The following CFAP44 variants were observed in gnomAD, a reference collection of about 807,000 sequenced individuals.
The protein encoded by CFAP44 is cilia and flagella associated protein 44, also known as cilia- and flagella-associated protein 44.
Under a neutral mutation model 216.2 loss-of-function variants are expected in CFAP44, and 134 were observed. The observed-to-expected ratio is 0.62, with a 90% CI of 0.54 to 0.72. The LOEUF (loss-of-function observed/expected upper bound fraction) is 0.72. Ranked by LOEUF, CFAP44 falls within the 30% of genes least tolerant of loss-of-function variation. The probability of loss-of-function intolerance (pLI) is 0.00; values close to 1 mark genes in which losing one functional copy is unlikely to be tolerated. For synonymous variants in CFAP44, 700 were observed against 727.6 expected, an observed-to-expected ratio of 0.96 and a Z score of 0.61; for missense variants, 2,035 against 2,182.1, an observed-to-expected ratio of 0.93 and a Z score of 1.34.
chr3:113,399,473 T>C (rs995723519), intron 13 of CFAP44, among the ~76,000 whole-genome samples: 2 of 144,522 alleles, frequency 1.4e-5, no homozygotes, highest in African/African-American at 4.9e-5. Context: ...ACTATCTGCC[T>C]CTGCCTCCCT....
In CFAP44 at chr3:113,379,426, TTCC is replaced by T; in HGVS notation, c.2175_2177del (p.Glu728del). The stretch of plus-strand genomic sequence containing the variant: ...CCTCCTCCTCCTCCTCTTTCTCCTC[TTCC>T]TCCTCCTGAAATTCTTTTTCTCCAT... On this transcript the variant is annotated inframe_deletion, in exon 17 of 35. Coordinates refer to ENST00000393845, the MANE Select transcript of CFAP44 (RefSeq NM_001164496.2). 1 of 1,612,940 alleles carries T rather than the reference TTCC, an allele frequency of 6.2e-7. No individual in the cohort carries two copies. Among genetic ancestry groups the T allele is most frequent in the Non-Finnish European group, 8.5e-7 (1 of 1,179,076 alleles).
At chr3:113,316,772 G>C (rs1355043161) in intron 28 of CFAP44, among the ~76,000 whole-genome samples, 2 of 151,884 alleles carry the variant, frequency 1.3e-5, no homozygotes, top group African/African-American at 4.8e-5. Flanking sequence ...AGGAGGCTGA[G>C]GCACAAGAAT....
At chr3:113,307,404 C>A (rs564096005) in intron 29 of CFAP44, among the ~76,000 whole-genome samples, 2 of 152,236 alleles carry the variant, frequency 1.3e-5, no homozygotes, top group South Asian at 4.2e-4. Context: ...CCCAGAGAGC[C>A]CCCAAAAGTA....
chr3:113,340,135 A>G (rs984621080), intron 24 of CFAP44, among the ~76,000 whole-genome samples: 5 of 152,154 alleles, frequency 3.3e-5, no homozygotes, highest in African/African-American at 9.7e-5. Flanking sequence ...CAGGTGCCCA[A>G]TCTGGGAGGA....
At chr3:113,328,696 TAAAAAAAAAAAAAAA>T (rs58650082) in intron 26 of CFAP44, among the ~76,000 whole-genome samples, 5 of 28,570 alleles carry the variant, frequency 1.8e-4, no homozygotes, top group Admixed American at 1.1e-3. Context: ...TTAGAGAGCT[TAAAAAAAAAAAAAAA>T]AAAAAAAAAA....
intron 24 of CFAP44, among the ~76,000 whole-genome samples, 173 bp downstream of exon 24, chr3:113,341,571 C>T (rs1314414020): frequency 6.6e-6 from 1 of 152,168 alleles, no homozygotes; most frequent in African/African-American, 2.4e-5. Context: ...ACCAAAGTAT[C>T]ACCACCCTAA....
intron 18 of CFAP44, among the ~76,000 whole-genome samples, chr3:113,373,081 G>T (rs554583362): frequency 2.0e-5 from 3 of 152,290 alleles, no homozygotes; most frequent in South Asian, 4.1e-4. Context: ...AAGGGCTAAT[G>T]ATTCATTTGT....
intron 24 of CFAP44, among the ~76,000 whole-genome samples, chr3:113,335,117 C>T (rs1950271433): frequency 6.6e-6 from 1 of 152,130 alleles, no homozygotes; most frequent in Admixed American, 6.5e-5. Flanking sequence ...GCTACTTCTG[C>T]CTCTGGCCAT....
At chr3:113,420,982 A>G (rs1342353701) in intron 4 of CFAP44, among the ~76,000 whole-genome samples, 1 of 152,088 alleles carries the variant, frequency 6.6e-6, no homozygotes, top group Non-Finnish European at 1.5e-5. Context: ...AATTGTACTA[A>G]TTCAAAATAG....
intron 22 of CFAP44, among the ~76,000 whole-genome samples, chr3:113,350,919 T>C (rs1048579377): frequency 6.6e-6 from 1 of 152,204 alleles, no homozygotes; most frequent in Non-Finnish European, 1.5e-5. Context: ...TAGGTCTTGA[T>C]TGGTTGCCAT....
intron 6 of CFAP44, among the ~76,000 whole-genome samples, chr3:113,414,562 G>C (rs1443927987): frequency 6.6e-6 from 1 of 152,072 alleles, no homozygotes; most frequent in Non-Finnish European, 1.5e-5. Context: ...GAGAGTTTTT[G>C]AAATGAAGGG....
chr3:113,437,549 AC>A (rs1226755009), intron 1 of CFAP44, among the ~76,000 whole-genome samples: 1 of 152,228 alleles, frequency 6.6e-6, no homozygotes, highest in African/African-American at 2.4e-5. Flanking sequence ...CACATTACAA[AC>A]CCAGTTAATG....
chr3:113,390,394 T>C (rs550875701), intron 15 of CFAP44, among the ~76,000 whole-genome samples: 3 of 152,260 alleles, frequency 2.0e-5, no homozygotes, highest in African/African-American at 7.2e-5. Flanking sequence ...AGTATCATAC[T>C]GAATGAAGAA....
Position 113,433,585 on chromosome 3 carries a change from G to A in CFAP44, c.80C>T (p.Ser27Phe), listed in dbSNP as rs1935163560. 1.2e-6 allele frequency: 2 copies of A among 1,611,262 alleles called. No homozygotes were observed. The highest frequency in any genetic ancestry group is 1.1e-5 in the South Asian group (1 of 91,004). Residue 27 changes from serine (S) to phenylalanine (F), a missense_variant, in exon 2 of 35, where the codon TCT becomes TTT. This residue lies in a region of CFAP44 where 149 missense variants were observed against 141.8 expected (regional missense o/e 1.05). Transcript: ENST00000393845. The stretch of plus-strand genomic sequence containing the variant: ...CTTACATCTTGATTCTGATTTAGAA[G>A]ACCTCAGAGACTTCTTCCCATCACT... Reference protein sequence around the residue: ...SKSDGKKSLRSSKSESRSPVQ... With the variant: ...SKSDGKKSLRFSKSESRSPVQ...
At chr3:113,417,383 A>G (rs1214976717) in intron 5 of CFAP44, 2 of 152,364 alleles carry the variant, frequency 1.3e-5, no homozygotes, top group South Asian at 2.1e-4. Context: ...AGATAGCCAT[A>G]TAAGTTGGAT....
intron 15 of CFAP44, among the ~76,000 whole-genome samples, chr3:113,381,781 C>A (rs989824057): frequency 6.6e-6 from 1 of 152,162 alleles, no homozygotes; most frequent in Non-Finnish European, 1.5e-5. Flanking sequence ...ATGTACTCAG[C>A]ATTTTCTTAA....
intron 22 of CFAP44, among the ~76,000 whole-genome samples, chr3:113,348,397 G>A (rs1950409929): frequency 6.6e-6 from 1 of 152,082 alleles, no homozygotes; most frequent in Admixed American, 6.5e-5. Flanking sequence ...GGGGAAAAAT[G>A]GCCACCTGAG....
At chr3:113,435,871 G>A (rs1322444914) in intron 1 of CFAP44, among the ~76,000 whole-genome samples, 3 of 151,906 alleles carry the variant, frequency 2.0e-5, no homozygotes, top group Non-Finnish European at 4.4e-5. Context: ...GTGTGTGTGT[G>A]TGTGTGTGTG....
rs1950201300 is a variant in CFAP44 at position 113,327,811 on chromosome 3, T to C, written c.4125A>G (p.Glu1375=). The C allele has an allele frequency of 6.5e-7, 1 of 1,536,486 alleles. No homozygotes were observed. The highest frequency in any genetic ancestry group is 8.7e-7 in the Non-Finnish European group (1 of 1,146,592). The part of the protein sequence containing the change: ...MQQYLVNRIK[E]LVVTFDAELR... ...GTTCTGCATCGAAAGTGACAACCAG[T>C]TCTTTGATCTGAGATGGAAAAAATA... The change falls in exon 27 of 35, where the codon GAA becomes GAG. Residue 1375 remains glutamate, a synonymous_variant. Transcript: ENST00000393845.
Sources: gnomAD v4.1 joint callset for allele counts (sites outside exome capture counted in the v4.1 genomes callset) on GRCh38, gnomAD v4.1.1 for gene constraint, gnomAD v4.1.1 regional missense constraint, MANE v1.5 for transcripts, NCBI Gene and HGNC (gene_info 2026-07-23, HGNC 2026-07-21) for gene names.